DPYD: variants seen among roughly 807,000 people sequenced by gnomAD.
The protein encoded by DPYD is dihydropyrimidine dehydrogenase.
Under a neutral mutation model 116.2 loss-of-function variants are expected in DPYD, and 109 were observed. The observed-to-expected ratio is 0.94, with a 90% CI of 0.80 to 1.10. The LOEUF (loss-of-function observed/expected upper bound fraction) is 1.10, where lower values mean the gene tolerates loss of function less well. DPYD is among the 50% of genes least tolerant of loss of function. The pLI, the probability that DPYD is intolerant of heterozygous loss-of-function variation, is 0.00. For synonymous variants in DPYD, 440 were observed against 432.0 expected (o/e 1.02, Z -0.23); for missense variants, 1,302 against 1,254.5 (o/e 1.04, Z -0.57).
At chr1:97,409,859 C>A (rs1383999105) in intron 14 of DPYD, among the ~76,000 whole-genome samples, 1 of 152,070 alleles carries the variant, frequency 6.6e-6, no homozygotes, top group Non-Finnish European at 1.5e-5. Flanking sequence ...AAGCGGATCA[C>A]CTGAAGTCAG....
chr1:97,193,130 G>T lies in DPYD; in HGVS notation c.2561C>A (p.Pro854Gln). 1.2e-6 allele frequency: 2 copies of T among 1,613,990 alleles called. No individual in the cohort carries two copies. Among genetic ancestry groups the T allele is most frequent in the Non-Finnish European group, 1.7e-6 (2 of 1,179,928 alleles). Residue 854 changes from proline to glutamine, a missense_variant, in exon 20 of 23, where the codon CCA becomes CAA. Pro to Gln is a moderately conservative substitution (Grantham distance 76). Transcript: ENST00000370192. The stretch of plus-strand genomic sequence containing the variant: ...CCCTTTCTGGTGACTCACAGTAGCT[G>T]GACTCTGTCCATCCCAGTCTTGTAG... ...EELQDWDGQS[P>Q]ATVSHQKGKP... is the part of the protein sequence containing the mutation.
chr1:97,126,327 CAT>C (rs1557877824), intron 20 of DPYD, among the ~76,000 whole-genome samples: 2 of 152,090 alleles, frequency 1.3e-5, no homozygotes, highest in Non-Finnish European at 2.9e-5. Flanking sequence ...TTTTTATATA[CAT>C]GTTTTATTGA....
Position 97,373,576 on chromosome 1 carries a change from G to T in DPYD, c.2043C>A (p.Gly681=). The change falls in exon 16 of 23, where the codon GGC becomes GGA. Residue 681 remains glycine, a synonymous_variant. Coordinates refer to ENST00000370192, the MANE Select transcript of DPYD (RefSeq NM_000110.4). ...CPHGMGERGM[G]LACGQDPELV... is the part of the protein sequence containing the mutation. ...AGGTCCTTACCTGCCCACAGGCCAG[G>T]CCCATTCCTCTTTCTCCCATGCCAT... 6.2e-7 allele frequency: 1 copy of T among 1,613,568 alleles called. No individual in the cohort carries two copies. Among genetic ancestry groups the T allele is most frequent in the Non-Finnish European group, 8.5e-7 (1 of 1,179,778 alleles).
intron 8 of DPYD, among the ~76,000 whole-genome samples, chr1:97,658,577 T>C (rs1243750669): frequency 6.6e-6 from 1 of 152,070 alleles, no homozygotes; most frequent in Non-Finnish European, 1.5e-5. Flanking sequence ...CCTAAGAATT[T>C]AGACTTAAAT....
chr1:97,254,038 T>C (rs1034551966), intron 18 of DPYD, among the ~76,000 whole-genome samples: 1 of 152,146 alleles, frequency 6.6e-6, no homozygotes, highest in Non-Finnish European at 1.5e-5. Flanking sequence ...AAGGCTTTTA[T>C]TAATATTACT....
intron 20 of DPYD, among the ~76,000 whole-genome samples, chr1:97,158,388 T>C (rs1004618408): frequency 6.6e-6 from 1 of 151,682 alleles, no homozygotes; most frequent in Non-Finnish European, 1.5e-5. Flanking sequence ...CATATTTTTA[T>C]TTATGATAGA....
At chr1:97,119,914 T>A (rs1450126276) in intron 20 of DPYD, among the ~76,000 whole-genome samples, 2 of 152,168 alleles carry the variant, frequency 1.3e-5, no homozygotes, top group Non-Finnish European at 2.9e-5. Context: ...GCTTCAAACA[T>A]CTCTTCATGC....
chr1:97,432,960 A>G (rs1163699206), intron 14 of DPYD, among the ~76,000 whole-genome samples: 1 of 152,098 alleles, frequency 6.6e-6, no homozygotes, highest in Non-Finnish European at 1.5e-5. Flanking sequence ...TTTCTGAACC[A>G]AGGGATATCT....
At chr1:97,774,166 G>A (rs1666282387) in intron 3 of DPYD, among the ~76,000 whole-genome samples, 1 of 152,178 alleles carries the variant, frequency 6.6e-6, no homozygotes, top group Non-Finnish European at 1.5e-5. Context: ...TGCATGCCCT[G>A]TGAGGGGGAT....
chr1:97,287,348 C>G (rs1340035664), intron 18 of DPYD, among the ~76,000 whole-genome samples: 1 of 152,126 alleles, frequency 6.6e-6, no homozygotes, highest in Non-Finnish European at 1.5e-5. Context: ...TGGGAGGTGC[C>G]TCCCAGTTAG....
intron 20 of DPYD, among the ~76,000 whole-genome samples, chr1:97,122,668 C>T (rs564469039): frequency 1.7e-3 from 263 of 152,170 alleles, no homozygotes; most frequent in Middle Eastern, 0.014. Flanking sequence ...CATGGCATTG[C>T]GAAAAGTCAG....
intron 16 of DPYD, among the ~76,000 whole-genome samples, chr1:97,338,046 C>A (rs538760336): frequency 2.6e-5 from 4 of 152,240 alleles, no homozygotes; most frequent in African/African-American, 9.6e-5. Context: ...TTCCTGTTTG[C>A]TAAATGTGTC....
intron 16 of DPYD, among the ~76,000 whole-genome samples, chr1:97,347,740 T>C (rs1669932112): frequency 6.6e-6 from 1 of 152,136 alleles, no homozygotes; most frequent in African/African-American, 2.4e-5. Context: ...TTCTGAAGTA[T>C]ATATACATTG....
At chr1:97,173,426 G>A (rs1326079834) in intron 20 of DPYD, among the ~76,000 whole-genome samples, 1 of 148,158 alleles carries the variant, frequency 6.7e-6, no homozygotes, top group Non-Finnish European at 1.5e-5. Flanking sequence ...ATATATGTGT[G>A]TATATACGTA....
At chr1:97,836,759 A>G (rs1009923962) in intron 2 of DPYD, among the ~76,000 whole-genome samples, 25 of 152,098 alleles carry the variant, frequency 1.6e-4, no homozygotes, top group African/African-American at 6.0e-4. Context: ...TTTTAAATGT[A>G]CATTACAAAG....
intron 8 of DPYD, among the ~76,000 whole-genome samples, chr1:97,652,394 A>C (rs1168982607): frequency 1.3e-5 from 2 of 152,214 alleles, no homozygotes; most frequent in Non-Finnish European, 2.9e-5. Flanking sequence ...AATAGTTTAT[A>C]AATATTCTGT....
At chr1:97,481,092 A>G (rs948522382) in intron 13 of DPYD, among the ~76,000 whole-genome samples, 1 of 152,252 alleles carries the variant, frequency 6.6e-6, no homozygotes, top group Non-Finnish European at 1.5e-5. Flanking sequence ...TTAAAATGAT[A>G]AAGGCAAATA....
At position 97,193,252 on chromosome 1, in the gene DPYD, G is replaced by C; in HGVS notation, c.2443-4C>G. The C allele has an allele frequency of 1.2e-6, 2 of 1,612,882 alleles. No individual in the cohort carries two copies. The highest frequency in any genetic ancestry group is 1.7e-6 in the Non-Finnish European group (2 of 1,179,440). ...GATTCTGAATGGCACTGCATACCTA[G>C]AAAAGACAGAGCAGTCAACCAAGTG... On this transcript the variant is annotated splice_region_variant and splice_polypyrimidine_tract_variant and intron_variant, in intron 19 of 22. Transcript: ENST00000370192.
At chr1:97,725,503 T>C (rs1663202744) in intron 4 of DPYD, among the ~76,000 whole-genome samples, 1 of 151,302 alleles carries the variant, frequency 6.6e-6, no homozygotes, top group Non-Finnish European at 1.5e-5. Context: ...AAATGAAAAA[T>C]AAGAATGAAG....
Sources: allele counts gnomAD v4.1 joint callset (sites outside exome capture counted in the v4.1 genomes callset), GRCh38; gene constraint gnomAD v4.1.1; transcripts MANE v1.5; gene names NCBI Gene and HGNC (gene_info 2026-07-23, HGNC 2026-07-21).